ATG10: variants seen among roughly 807,000 people sequenced by gnomAD.
ATG10 encodes the protein autophagy related 10, also known as ubiquitin-like-conjugating enzyme ATG10.
Under a neutral mutation model 32.1 loss-of-function variants are expected in ATG10, and 30 were observed. That is an observed-to-expected ratio of 0.94 (90% confidence interval 0.70 to 1.27). The LOEUF (loss-of-function observed/expected upper bound fraction) is 1.27. Among genes scored for constraint, ATG10 ranks in the 50% most tolerant of loss-of-function variants. ATG10 has a pLI of 0.00. For synonymous variants in ATG10, 87 were observed against 91.5 expected, an observed-to-expected ratio of 0.95 and a Z score of 0.28; for missense variants, 233 against 262.3, an observed-to-expected ratio of 0.89 and a Z score of 0.77.
intron 5 of ATG10, among the ~76,000 whole-genome samples, chr5:82,216,019 A>G (rs1000925582): frequency 3.9e-5 from 6 of 152,206 alleles, no homozygotes; most frequent in Non-Finnish European, 8.8e-5. Context: ...AAGGGAGTGT[A>G]TTGCAGCAGG....
chr5:82,162,680 A>G (rs1045953918), intron 3 of ATG10, among the ~76,000 whole-genome samples: 3 of 152,186 alleles, frequency 2.0e-5, no homozygotes, highest in African/African-American at 7.2e-5. Flanking sequence ...AAAAAACACA[A>G]CAGCAACTAT....
intron 3 of ATG10, among the ~76,000 whole-genome samples, chr5:82,139,009 C>A (rs569689997): frequency 6.6e-6 from 1 of 150,938 alleles, no homozygotes; most frequent in Non-Finnish European, 1.5e-5. Flanking sequence ...CGCGCCGCCA[C>A]GCCTGACTGG....
At chr5:82,122,911 G>C (rs1239605509) in intron 3 of ATG10, among the ~76,000 whole-genome samples, 10 of 152,218 alleles carry the variant, frequency 6.6e-5, no homozygotes, top group African/African-American at 2.4e-4. Context: ...CTGTTGGTGG[G>C]AGTGTAAATT....
At chr5:81,990,151 G>A (rs1022912506) in intron 2 of ATG10, among the ~76,000 whole-genome samples, 10 of 152,054 alleles carry the variant, frequency 6.6e-5, no homozygotes, top group African/African-American at 2.4e-4. Context: ...AAAAATGTTA[G>A]GTGATGATGA....
chr5:81,995,436 C>T (rs889292931), intron 2 of ATG10, among the ~76,000 whole-genome samples: 2 of 152,144 alleles, frequency 1.3e-5, no homozygotes, highest in Admixed American at 1.3e-4. Context: ...AGCCACCATG[C>T]CCAGCCTGAG....
chr5:82,043,234 T>C (rs998183003), intron 2 of ATG10, among the ~76,000 whole-genome samples: 2 of 152,238 alleles, frequency 1.3e-5, no homozygotes, highest in African/African-American at 4.8e-5. Context: ...ATTTGCACCC[T>C]CTGAAGCCGT....
intron 2 of ATG10, among the ~76,000 whole-genome samples, chr5:82,028,202 A>G (rs1762646897): frequency 6.6e-6 from 1 of 152,244 alleles, no homozygotes; most frequent in Non-Finnish European, 1.5e-5. Context: ...GATAGCATTA[A>G]TCCAGATTAT....
intron 4 of ATG10, among the ~76,000 whole-genome samples, chr5:82,174,111 A>G (rs1743913951): frequency 6.6e-6 from 1 of 152,196 alleles, no homozygotes; most frequent in Non-Finnish European, 1.5e-5. Flanking sequence ...TTAATAATGT[A>G]TGCCACGATT....
intron 3 of ATG10, among the ~76,000 whole-genome samples, chr5:82,140,062 A>G (rs1767018513): frequency 7.7e-6 from 1 of 130,604 alleles, no homozygotes; most frequent in African/African-American, 2.9e-5. Context: ...TCCGGGAGGG[A>G]GGTGGGAGGG....
intron 5 of ATG10, among the ~76,000 whole-genome samples, chr5:82,182,721 A>G (rs1282760529): frequency 6.6e-6 from 1 of 152,074 alleles, no homozygotes; most frequent in Non-Finnish European, 1.5e-5. Context: ...GGGAGTGTGA[A>G]TGGGAGGGAA....
At chr5:82,121,232 C>T (rs978695762) in intron 3 of ATG10, among the ~76,000 whole-genome samples, 4 of 152,056 alleles carry the variant, frequency 2.6e-5, no homozygotes, top group African/African-American at 7.3e-5. Context: ...CCATAGGAGC[C>T]GCTAAGAAGG....
intron 5 of ATG10, among the ~76,000 whole-genome samples, chr5:82,210,712 G>A (rs183385737): frequency 1.2e-4 from 19 of 152,162 alleles, no homozygotes; most frequent in African/African-American, 3.1e-4. Flanking sequence ...GGTTGATGGC[G>A]AGGGCAGGGA....
At chr5:81,982,842 T>C (rs1339129257) in intron 1 of ATG10, among the ~76,000 whole-genome samples, 1 of 152,110 alleles carries the variant, frequency 6.6e-6, no homozygotes, top group African/African-American at 2.4e-5. Flanking sequence ...TAACCCCGAG[T>C]GGACACAGCA....
chr5:82,188,979 T>A (rs1744558367), intron 5 of ATG10, among the ~76,000 whole-genome samples: 1 of 152,186 alleles, frequency 6.6e-6, no homozygotes, highest in African/African-American at 2.4e-5. Flanking sequence ...GCAGCCTGTA[T>A]TTTTTAGTTA....
intron 3 of ATG10, among the ~76,000 whole-genome samples, chr5:82,080,716 G>A (rs1764449454): frequency 1.3e-5 from 2 of 152,118 alleles, no homozygotes; most frequent in South Asian, 4.1e-4. Context: ...TGTTCCATTG[G>A]TCTATATCTC....
chr5:82,121,721 G>C (rs969406908), intron 3 of ATG10, among the ~76,000 whole-genome samples: 1 of 152,070 alleles, frequency 6.6e-6, no homozygotes, highest in African/African-American at 2.4e-5. Context: ...TTGAGATAAT[G>C]ATGTGGTTTT....
At position 82,164,396 on chromosome 5, in the gene ATG10, TAGG is replaced by T; in HGVS notation, c.218_220del (p.Glu73del). The T allele has an allele frequency of 2.5e-6, 4 of 1,613,408 alleles. No homozygotes were observed. The highest frequency in any genetic ancestry group is 1.1e-5 in the South Asian group (1 of 90,882). On this transcript the variant is annotated splice_acceptor_variant and coding_sequence_variant, in exon 4 of 8. Coordinates refer to ENST00000282185, the MANE Select transcript of ATG10 (RefSeq NM_031482.5). LOFTEE classifies it high-confidence loss of function. ...TTTTCGTTTTGTTTTTGCTTTTTTT[TAGG>T]AGGCTTTCGAGCTACCCTTGGATGA...
intron 2 of ATG10, among the ~76,000 whole-genome samples, chr5:82,046,949 A>C (rs191248057): frequency 2.6e-4 from 40 of 152,236 alleles, no homozygotes; most frequent in Non-Finnish European, 2.4e-4. Flanking sequence ...CCAGAAATCA[A>C]GATGAAGAAG....
chr5:82,252,524 A>G (rs377637250), intron 5 of ATG10, 38 bp from the exon 6 acceptor site: 6 of 1,266,726 alleles, frequency 4.7e-6, no homozygotes, highest in Non-Finnish European at 6.8e-6. Flanking sequence ...TTTTCAAAGT[A>G]ACTCACACTG....
Sources: gnomAD v4.1 joint callset for allele counts (sites outside exome capture counted in the v4.1 genomes callset) on GRCh38, gnomAD v4.1.1 for gene constraint, MANE v1.5 for transcripts, NCBI Gene and HGNC (gene_info 2026-07-23, HGNC 2026-07-21) for gene names.